Variants in GALNT17 observed in about 807,000 individuals in gnomAD.
The protein encoded by GALNT17 is UDP-GalNAc:polypeptide N-acetylgalactosaminyltransferase-like 3.
GALNT17 carries 29 observed loss-of-function variants against 63.7 expected under a neutral mutation model. The observed-to-expected ratio is 0.46, with a 90% CI of 0.34 to 0.62. GALNT17 has a LOEUF of 0.62. Among genes scored for constraint, GALNT17 ranks in the 20% least tolerant of loss-of-function variants. The pLI is 0.01. For missense variants in GALNT17, 603 were observed against 799.6 expected, an observed-to-expected ratio of 0.75 and a Z score of 2.97; for synonymous variants, 305 against 318.3, an observed-to-expected ratio of 0.96 and a Z score of 0.45.
In GALNT17 at chr7:71,657,849, T is replaced by TATGG. The variant is rs56699781; in HGVS notation, c.1081-7509_1081-7506dup. ...AGGTGTTTGCAATTTTATTTCATTTTATGGATGGATGGATGGATGGATGGA... is the reference window on the plus strand; with the variant it reads ...AGGTGTTTGCAATTTTATTTCATTTTATGGATGGATGGATGGATGGATGGATGGA... On this transcript the variant is annotated intron_variant, in intron 6 of 10. Coordinates refer to ENST00000333538, the MANE Select transcript of GALNT17 (RefSeq NM_022479.3). Among the ~76,000 whole-genome samples, 399 of 125,150 alleles carry TATGG rather than the reference T, an allele frequency of 3.2e-3. 1 individual carries two copies. The highest frequency in any genetic ancestry group is 5.1e-3 in the African/African-American group (189 of 36,886). 82.1% of individuals were successfully genotyped at this position (125,150 alleles called of 152,430 possible).
chr7:71,247,538 C>A (rs1790121542), intron 1 of GALNT17, among the ~76,000 whole-genome samples: 3 of 152,226 alleles, frequency 2.0e-5, no homozygotes, highest in South Asian at 4.1e-4. Flanking sequence ...CTCACTGCAA[C>A]CTCTGCCTCC....
intron 3 of GALNT17, among the ~76,000 whole-genome samples, chr7:71,412,662 C>T (rs1367259100): frequency 2.6e-5 from 4 of 152,188 alleles, no homozygotes; most frequent in Admixed American, 6.5e-5. Context: ...CAGCTGCCTA[C>T]CCCAGAATGT....
chr7:71,634,272 G>C (rs1387254708), intron 6 of GALNT17, among the ~76,000 whole-genome samples: 1 of 152,008 alleles, frequency 6.6e-6, no homozygotes, highest in Non-Finnish European at 1.5e-5. Flanking sequence ...ACTTTTGGGG[G>C]GTCCGTTTGT....
At chr7:71,633,752 C>G (rs967551504) in intron 6 of GALNT17, among the ~76,000 whole-genome samples, 1 of 152,240 alleles carries the variant, frequency 6.6e-6, no homozygotes, top group African/African-American at 2.4e-5. Context: ...ATCTCAGAGA[C>G]AAGCCTCTCA....
At chr7:71,316,428 C>G (rs1317934723) in intron 1 of GALNT17, among the ~76,000 whole-genome samples, 1 of 152,172 alleles carries the variant, frequency 6.6e-6, no homozygotes, top group African/African-American at 2.4e-5. Flanking sequence ...CATTAACCAG[C>G]ATAGTATTGA....
At chr7:71,141,832 A>C (rs894959379) in intron 1 of GALNT17, among the ~76,000 whole-genome samples, 1 of 142,092 alleles carries the variant, frequency 7.0e-6, no homozygotes, top group Non-Finnish European at 1.5e-5. Context: ...ATGCGCCACC[A>C]CGTCTGGCTG....
At chr7:71,346,430 G>C (rs937384417) in intron 2 of GALNT17, among the ~76,000 whole-genome samples, 4 of 151,908 alleles carry the variant, frequency 2.6e-5, no homozygotes, top group African/African-American at 4.8e-5. Flanking sequence ...TCGCTGTATG[G>C]CATGTTTTAT....
At position 71,477,724 on chromosome 7, in the gene GALNT17, G is replaced by T. The variant is rs144069739; in HGVS notation, c.962+56619G>T. Among the ~76,000 whole-genome samples, 90 of 152,238 alleles carry T rather than the reference G, an allele frequency of 5.9e-4. 1 individual carries two copies. Among genetic ancestry groups the T allele is most frequent in the African/African-American group, 2.0e-3 (85 of 41,556 alleles). ...AAAAAAAAGGTTGAAAATAACTAGT[G>T]TGTTTTTATTTTGTGTTGAGGAATA... On this transcript the variant is annotated intron_variant, in intron 5 of 10. Transcript: ENST00000333538.
intron 5 of GALNT17, among the ~76,000 whole-genome samples, chr7:71,516,655 G>A (rs1044529570): frequency 3.3e-5 from 5 of 152,106 alleles, no homozygotes; most frequent in African/African-American, 1.2e-4. Flanking sequence ...ACTTGCAGGG[G>A]TGATTTGAGT....
At chr7:71,655,879 C>T (rs1790821460) in intron 6 of GALNT17, among the ~76,000 whole-genome samples, 1 of 151,966 alleles carries the variant, frequency 6.6e-6, no homozygotes, top group Non-Finnish European at 1.5e-5. Flanking sequence ...AAATCTAGCT[C>T]GTGTTGAGTT....
intron 6 of GALNT17, among the ~76,000 whole-genome samples, chr7:71,630,673 CAT>C (rs1389925254): frequency 6.6e-6 from 1 of 152,180 alleles, no homozygotes; most frequent in African/African-American, 2.4e-5. Context: ...CTCACAAACA[CAT>C]GAGAAGTGCT....
At chr7:71,398,959 G>A (rs112717185) in intron 3 of GALNT17, among the ~76,000 whole-genome samples, 6,841 of 152,170 alleles carry the variant, frequency 0.045, 545 homozygotes, top group African/African-American at 0.16. Flanking sequence ...GGGGCTGGAC[G>A]TGGTGGCTCA....
intron 1 of GALNT17, among the ~76,000 whole-genome samples, chr7:71,255,874 G>GT (rs1334910601): frequency 6.6e-6 from 1 of 152,114 alleles, no homozygotes; most frequent in Non-Finnish European, 1.5e-5. Flanking sequence ...ATGGACCACT[G>GT]TCCTCTCGGC....
intron 5 of GALNT17, among the ~76,000 whole-genome samples, chr7:71,530,767 A>G (rs891332323): frequency 6.6e-6 from 1 of 151,896 alleles, no homozygotes; most frequent in African/African-American, 2.4e-5. Context: ...ACGGGGTTTC[A>G]CTGTGTTAGC....
chr7:71,573,998 T>C (rs575446243), intron 6 of GALNT17, among the ~76,000 whole-genome samples: 111 of 152,318 alleles, frequency 7.3e-4, no homozygotes, highest in Middle Eastern at 3.4e-3. Flanking sequence ...ATCTCCTTCT[T>C]CTTACAGCTG....
chr7:71,200,316 G>T (rs1171238864), intron 1 of GALNT17, among the ~76,000 whole-genome samples: 1 of 152,058 alleles, frequency 6.6e-6, no homozygotes, highest in Non-Finnish European at 1.5e-5. Context: ...ATCTGCTCTG[G>T]GTCAGCCTGC....
At chr7:71,398,168 A>G (rs535098233) in intron 3 of GALNT17, among the ~76,000 whole-genome samples, 1 of 152,032 alleles carries the variant, frequency 6.6e-6, no homozygotes, top group Non-Finnish European at 1.5e-5. Flanking sequence ...TTGTCTATCC[A>G]TTTTTGGAAA....
intron 1 of GALNT17, among the ~76,000 whole-genome samples, chr7:71,160,721 A>T (rs1360103628): frequency 6.6e-6 from 1 of 152,198 alleles, no homozygotes; most frequent in Non-Finnish European, 1.5e-5. Context: ...GGCCCCCCAA[A>T]GTGTTGGGAT....
chr7:71,570,044 G>A (rs1789412882), intron 5 of GALNT17, among the ~76,000 whole-genome samples: 1 of 151,068 alleles, frequency 6.6e-6, no homozygotes, highest in Non-Finnish European at 1.5e-5. Flanking sequence ...AACATCTGGT[G>A]GGTTTTGTTT....
Sources: gnomAD v4.1 joint callset for allele counts (sites outside exome capture counted in the v4.1 genomes callset) on GRCh38, gnomAD v4.1.1 for gene constraint, MANE v1.5 for transcripts, NCBI Gene and HGNC (gene_info 2026-07-23, HGNC 2026-07-21) for gene names.